The following TXNDC15 variants were observed in gnomAD, a reference collection of about 807,000 sequenced individuals.
TXNDC15 encodes the protein thioredoxin domain containing 15, also known as thioredoxin domain-containing protein 15.
In TXNDC15, 24 loss-of-function variants were observed where a neutral mutation model predicts 35.0. The ratio of observed to expected loss-of-function variants is 0.68; its 90% CI spans 0.50 to 0.96. TXNDC15 has a LOEUF of 0.96. TXNDC15 is among the 40% of genes least tolerant of loss of function. The pLI is 0.00. For synonymous variants in TXNDC15, 169 were observed against 174.0 expected, an observed-to-expected ratio of 0.97 and a Z score of 0.23; for missense variants, 385 against 453.3, an observed-to-expected ratio of 0.85 and a Z score of 1.37.
chr5:134,885,202 G>A (rs565283000), intron 1 of TXNDC15, among the ~76,000 whole-genome samples: 1 of 152,188 alleles, frequency 6.6e-6, no homozygotes, highest in Non-Finnish European at 1.5e-5. Flanking sequence ...GATTACAGGC[G>A]TGAGCCACTG....
At chr5:134,891,679 C>T (rs1750389768) in intron 2 of TXNDC15, among the ~76,000 whole-genome samples, 1 of 152,206 alleles carries the variant, frequency 6.6e-6, no homozygotes, top group East Asian at 1.9e-4. Context: ...AATCCCAGTA[C>T]TTTCAGAGGC....
intron 1 of TXNDC15, chr5:134,875,212 G>A (rs1750008314): frequency 2.2e-6 from 1 of 456,146 alleles, no homozygotes; most frequent in Admixed American, 2.3e-5. Flanking sequence ...CCACTCTAGA[G>A]GCATGGCGAG....
chr5:134,885,790 G>T (rs974010877), intron 1 of TXNDC15, among the ~76,000 whole-genome samples: 1 of 152,180 alleles, frequency 6.6e-6, no homozygotes, highest in Non-Finnish European at 1.5e-5. Flanking sequence ...TTTCTCGGAT[G>T]TCACTATCCT....
At chr5:134,883,208 C>T (rs1037237596) in intron 1 of TXNDC15, among the ~76,000 whole-genome samples, 2 of 151,708 alleles carry the variant, frequency 1.3e-5, no homozygotes, top group Non-Finnish European at 2.9e-5. Context: ...GGGTGGATCA[C>T]GAGGTCAGGA....
intron 3 of TXNDC15, among the ~76,000 whole-genome samples, chr5:134,894,213 C>G (rs191581806): frequency 1.3e-5 from 2 of 152,058 alleles, no homozygotes; most frequent in East Asian, 3.9e-4. Flanking sequence ...TTTAACATGA[C>G]ATTTATCTTT....
Position 134,899,972 on chromosome 5 carries a change from A to G in TXNDC15, c.*287A>G, listed in dbSNP as rs1490105432. 4 of 285,138 alleles carry G rather than the reference A, an allele frequency of 1.4e-5. No homozygotes were observed. Among genetic ancestry groups the G allele is most frequent in the African/African-American group, 4.5e-5 (2 of 44,882 alleles). 17.7% of individuals were successfully genotyped at this position (285,138 alleles called of 1,614,324 possible). A position where few individuals can be genotyped will look rare whatever the true frequency, so the allele number is the denominator to read the frequency against. Reference sequence around the variant, plus strand: ...AATCCAGTTTGAAATGTGAAGATGTATTCCGGCAGAATAGTGAGTAGAATG... The same window carrying G: ...AATCCAGTTTGAAATGTGAAGATGTGTTCCGGCAGAATAGTGAGTAGAATG... On this transcript the variant is annotated 3_prime_UTR_variant, in exon 5 of 5. Transcript: ENST00000358387.
intron 1 of TXNDC15, among the ~76,000 whole-genome samples, chr5:134,883,343 T>C (rs1381741368): frequency 1.3e-5 from 2 of 152,014 alleles, no homozygotes; most frequent in Non-Finnish European, 2.9e-5. Context: ...GAGAATTCCT[T>C]GAACCGGAAC....
At chr5:134,896,210 TTC>T in intron 3 of TXNDC15, 82 bp from the exon 4 acceptor site, 1 of 1,476,602 alleles carries the variant, frequency 6.8e-7, no homozygotes, top group Non-Finnish European at 9.1e-7. Flanking sequence ...CCTCATTTAT[TTC>T]TGTCTATTCT....
intron 2 of TXNDC15, among the ~76,000 whole-genome samples, chr5:134,889,924 G>A (rs1244155756): frequency 1.3e-5 from 2 of 152,152 alleles, no homozygotes; most frequent in Non-Finnish European, 2.9e-5. Context: ...AAATGCTAAC[G>A]ATCATCTGAG....
chr5:134,874,282 TC>T (rs1749980810), upstream of TXNDC15: 1 of 642,774 alleles, frequency 1.6e-6, no homozygotes. Context: ...TCCGCCCGAC[TC>T]CAAGATGGCG....
At chr5:134,889,564 C>G (rs930443295) in intron 2 of TXNDC15, among the ~76,000 whole-genome samples, 1 of 152,194 alleles carries the variant, frequency 6.6e-6, no homozygotes, top group African/African-American at 2.4e-5. Context: ...TTTGGCCAAA[C>G]ATATCGATAT....
intron 2 of TXNDC15, among the ~76,000 whole-genome samples, chr5:134,889,003 A>C (rs1053058502): frequency 6.6e-6 from 1 of 152,154 alleles, no homozygotes; most frequent in African/African-American, 2.4e-5. Context: ...AAGAGAGGTA[A>C]ATCCTGACTC....
At chr5:134,874,295 C>T (rs1422724162), upstream of TXNDC15, 21 of 707,528 alleles carry the variant, frequency 3.0e-5, no homozygotes, top group South Asian at 1.4e-4. Context: ...AAGATGGCGC[C>T]CGCCACAGCT....
chr5:134,883,773 G>A (rs1439924591), intron 1 of TXNDC15, among the ~76,000 whole-genome samples: 7 of 151,334 alleles, frequency 4.6e-5, no homozygotes, highest in Non-Finnish European at 1.0e-4. Flanking sequence ...AAATTAGCTG[G>A]GTGTGGTGGT....
At chr5:134,877,271 C>A (rs551484239) in intron 1 of TXNDC15, among the ~76,000 whole-genome samples, 8 of 152,204 alleles carry the variant, frequency 5.3e-5, no homozygotes, top group Non-Finnish European at 1.2e-4. Context: ...TGATCAGGGA[C>A]TAGAGGGATC....
chr5:134,890,087 G>T (rs1159344897), intron 2 of TXNDC15, among the ~76,000 whole-genome samples: 1 of 152,140 alleles, frequency 6.6e-6, no homozygotes, highest in Non-Finnish European at 1.5e-5. Context: ...CTGGAGTGTG[G>T]TGGTGAGACC....
At chr5:134,896,501 T>G (rs1334756953) in intron 4 of TXNDC15, 77 bp downstream of exon 4, 2 of 1,563,202 alleles carry the variant, frequency 1.3e-6, no homozygotes, top group Non-Finnish European at 1.7e-6. Flanking sequence ...TCTGATCTGC[T>G]ATAATCCTTA....
At chr5:134,892,745 C>G (rs1414824404) in intron 2 of TXNDC15, 1 of 152,122 alleles carries the variant, frequency 6.6e-6, no homozygotes, top group African/African-American at 2.4e-5. Flanking sequence ...CTTCCTTTCA[C>G]TTAAACAGAG....
intron 1 of TXNDC15, 77 bp from the exon 2 acceptor site, chr5:134,887,618 T>C: frequency 4.7e-6 from 7 of 1,504,002 alleles, no homozygotes; most frequent in Non-Finnish European, 6.2e-6. Context: ...AATTTCGTGT[T>C]AGAGGGGAAC....
Sources: allele counts gnomAD v4.1 joint callset (sites outside exome capture counted in the v4.1 genomes callset), GRCh38; gene constraint gnomAD v4.1.1; transcripts MANE v1.5; gene names NCBI Gene and HGNC (gene_info 2026-07-23, HGNC 2026-07-21).